MSR1: variants seen among roughly 807,000 people sequenced by gnomAD.
MSR1 encodes the protein macrophage scavenger receptor types I and II.
MSR1 carries 53 observed loss-of-function variants against 47.2 expected under a neutral mutation model. That is an observed-to-expected ratio of 1.12 (90% CI 0.90 to 1.41). The LOEUF (loss-of-function observed/expected upper bound fraction) is 1.41, where lower values mean the gene tolerates loss of function less well. MSR1 is among the 40% of genes most tolerant of loss of function. The pLI is 0.00. For synonymous variants in MSR1, 239 were observed against 185.6 expected (o/e 1.29, Z -2.34); for missense variants, 786 against 546.9 (o/e 1.44, Z -4.36).
At chr8:16,186,130 G>C in intron 1 of MSR1, 2 of 1,512,810 alleles carry the variant, frequency 1.3e-6, no homozygotes, top group South Asian at 1.2e-5. Context: ...AAGTCCCTGA[G>C]TGCATAAATG....
intron 8 of MSR1, among the ~76,000 whole-genome samples, chr8:16,125,295 A>G (rs776144697): frequency 3.9e-5 from 6 of 152,172 alleles, no homozygotes; most frequent in Non-Finnish European, 5.9e-5. Context: ...CCCTTGGGAA[A>G]TCTGCATGGG....
intron 6 of MSR1, among the ~76,000 whole-genome samples, chr8:16,154,039 T>C (rs35611970): frequency 0.013 from 2,021 of 152,000 alleles, 54 homozygotes; most frequent in African/African-American, 0.046. Context: ...ATATCATCTA[T>C]CTTCACATAT....
intron 3 of MSR1, among the ~76,000 whole-genome samples, chr8:16,169,464 A>AT (rs1188856651): frequency 6.6e-6 from 1 of 152,090 alleles, no homozygotes; most frequent in Non-Finnish European, 1.5e-5. Flanking sequence ...GGGCAAATAC[A>AT]TTTTTTCACT....
At chr8:16,131,441 G>GTTTTTTTTTTTTTTT (rs56321577) in intron 8 of MSR1, among the ~76,000 whole-genome samples, 1 of 54,660 alleles carries the variant, frequency 1.8e-5, no homozygotes, top group African/African-American at 8.1e-5. Context: ...TCTGTTGATA[G>GTTTTTTTTTTTTTTT]TTTTTTTTTT....
intron 5 of MSR1, among the ~76,000 whole-genome samples, chr8:16,159,457 T>TA (rs1270855683): frequency 6.6e-6 from 1 of 151,940 alleles, no homozygotes; most frequent in Non-Finnish European, 1.5e-5. Flanking sequence ...AGAAATGTAT[T>TA]AAAAAATCTT....
In MSR1 at chr8:16,109,939, T is replaced by C. The variant is rs1676395353; in HGVS notation, c.*146A>G. The C allele has an allele frequency of 1.9e-5, 17 of 914,550 alleles. No individual in the cohort carries two copies. In the South Asian group the frequency reaches 2.4e-4, roughly 13 times the overall value. The allele number at this position is 914,550 out of a possible 1,614,324, so 56.7% of individuals were successfully genotyped here. A position where few individuals can be genotyped will look rare whatever the true frequency, so the allele number is the denominator to read the frequency against. The stretch of plus-strand genomic sequence containing the variant: ...ACATAAAATAGTAAGCATGAAGGTG[T>C]TCAATATATTAATCCTGTAATCTAA... On this transcript the variant is annotated 3_prime_UTR_variant, in exon 10 of 10. Transcript: ENST00000262101.
At chr8:16,168,332 T>G in intron 4 of MSR1, 126 bp downstream of exon 4, 1 of 902,378 alleles carries the variant, frequency 1.1e-6, no homozygotes, top group Non-Finnish European at 1.8e-6. Context: ...AAGTTAGCCA[T>G]AGAAATCAGG....
intron 8 of MSR1, 133 bp downstream of exon 8, chr8:16,143,425 T>G: frequency 1.5e-6 from 1 of 655,166 alleles, no homozygotes; most frequent in Non-Finnish European, 2.7e-6. Context: ...TGTAGAAAAT[T>G]ATGTTTGGCT....
chr8:16,178,975 A>C (rs1297548251), intron 1 of MSR1, among the ~76,000 whole-genome samples: 1 of 152,220 alleles, frequency 6.6e-6, no homozygotes, highest in Non-Finnish European at 1.5e-5. Context: ...TATCTCTCAT[A>C]TACAGCAATG....
At chr8:16,172,012 G>C (rs1361435473) in intron 3 of MSR1, among the ~76,000 whole-genome samples, 3 of 152,094 alleles carry the variant, frequency 2.0e-5, no homozygotes, top group Non-Finnish European at 4.4e-5. Flanking sequence ...ATTAATATTT[G>C]GATTCAAGAT....
rs375525362 is a variant in MSR1, at chr8:16,190,849, G to A, written c.-5+1749C>T. Among the ~76,000 whole-genome samples the A allele has an allele frequency of 7.9e-5, 12 of 152,080 alleles. No individual in the cohort carries two copies. The East Asian group carries it at 2.1e-3, about 27-fold the overall frequency. ...TGATTCTCCTGCCTCAGACTCCGGA[G>A]TAACTGGGATTACAAGCATGCACCA... On this transcript the variant is annotated intron_variant, in intron 1 of 9. Transcript: ENST00000262101.
intron 8 of MSR1, among the ~76,000 whole-genome samples, chr8:16,137,844 T>C (rs1800429271): frequency 6.6e-6 from 1 of 151,944 alleles, no homozygotes; most frequent in Admixed American, 6.6e-5. Flanking sequence ...TTTTTTTAAA[T>C]AGCCAAGCAT....
intron 9 of MSR1, among the ~76,000 whole-genome samples, chr8:16,112,805 G>A (rs1358224822): frequency 1.3e-5 from 2 of 151,426 alleles, no homozygotes; most frequent in East Asian, 1.9e-4. Context: ...TCTTAGATAT[G>A]TTTTTAATCT....
chr8:16,152,582 C>T (rs551595197), intron 6 of MSR1, among the ~76,000 whole-genome samples: 1 of 152,160 alleles, frequency 6.6e-6, no homozygotes, highest in Admixed American at 6.6e-5. Flanking sequence ...GAGGGCATCT[C>T]ATGTAGGTAG....
intron 5 of MSR1, among the ~76,000 whole-genome samples, chr8:16,159,469 G>C (rs1801102463): frequency 1.3e-5 from 2 of 151,666 alleles, no homozygotes; most frequent in Admixed American, 1.3e-4. Context: ...AAAAATCTTT[G>C]TCTCTTTTAA....
At position 16,108,730 on chromosome 8, in the gene MSR1, G is replaced by A. The variant is rs903578418; in HGVS notation, c.*1355C>T. ...ATGCATTTTCAGTAGGCTGTTTACAGTAATTCCAATTCCAAGGTAAGGTTT... is the reference window on the plus strand; with the variant it reads ...ATGCATTTTCAGTAGGCTGTTTACAATAATTCCAATTCCAAGGTAAGGTTT... On this transcript the variant is annotated 3_prime_UTR_variant, in exon 10 of 10. Coordinates refer to ENST00000262101, the MANE Select transcript of MSR1 (RefSeq NM_138715.3). 1 of 152,144 alleles carries A rather than the reference G, an allele frequency of 6.6e-6. No homozygotes were observed. Among genetic ancestry groups the A allele is most frequent in the Non-Finnish European group, 1.5e-5 (1 of 68,004 alleles). The allele number at this position is 152,144 out of a possible 1,614,324, so 9.4% of individuals were successfully genotyped here. A position where few individuals can be genotyped will look rare whatever the true frequency, so the allele number is the denominator to read the frequency against.
At chr8:16,162,754 G>C (rs543403301) in intron 5 of MSR1, among the ~76,000 whole-genome samples, 1 of 152,016 alleles carries the variant, frequency 6.6e-6, no homozygotes, top group South Asian at 2.1e-4. Flanking sequence ...TTAACTTGCA[G>C]GTATCTGGTG....
At chr8:16,151,376 C>A (rs887976557) in intron 6 of MSR1, among the ~76,000 whole-genome samples, 1 of 152,240 alleles carries the variant, frequency 6.6e-6, no homozygotes, top group Non-Finnish European at 1.5e-5. Context: ...ATATGAGATA[C>A]TTTCATAGAA....
chr8:16,168,685 G>A lies in MSR1; in HGVS notation c.403C>T (p.Leu135Phe), dbSNP rs530818317. 6 of 1,613,964 alleles carry A rather than the reference G, an allele frequency of 3.7e-6. No homozygotes were observed. Among genetic ancestry groups the A allele is most frequent in the Non-Finnish European group, 5.1e-6 (6 of 1,180,006 alleles). ...TTTTGGAAATGCTCTGTGTCCATGA[G>A]GTTGGCTTCCATGTCTAAAATATGC... is the stretch of plus-strand genomic sequence containing the variant. Reference protein sequence around the residue: ...IQHILDMEANLMDTEHFQNFS... With the variant: ...IQHILDMEANFMDTEHFQNFS... The change falls in exon 4 of 10, where the codon CTC (leucine) becomes TTC (phenylalanine). Residue 135 changes from leucine (L) to phenylalanine (F), a missense_variant. Transcript: ENST00000262101.
Sources: gnomAD v4.1 joint callset for allele counts (sites outside exome capture counted in the v4.1 genomes callset) on GRCh38, gnomAD v4.1.1 for gene constraint, MANE v1.5 for transcripts, NCBI Gene and HGNC (gene_info 2026-07-23, HGNC 2026-07-21) for gene names.